The following SPPL3 variants were observed in gnomAD, a reference collection of about 807,000 sequenced individuals.
SPPL3 encodes signal peptide peptidase-like 3.
SPPL3 carries 5 observed loss-of-function variants against 42.4 expected under a neutral mutation model. The ratio of observed to expected loss-of-function variants is 0.12; its 90% CI spans 0.06 to 0.25. SPPL3 has a LOEUF of 0.25. Among genes scored for constraint, SPPL3 ranks in the 10% least tolerant of loss-of-function variants. The pLI is 1.00. For synonymous variants in SPPL3, 195 were observed against 181.8 expected (o/e 1.07, Z -0.58); for missense variants, 235 against 489.0 (o/e 0.48, Z 4.90).
At chr12:120,873,048 T>G (rs548335470) in intron 1 of SPPL3, among the ~76,000 whole-genome samples, 1 of 152,292 alleles carries the variant, frequency 6.6e-6, no homozygotes, top group East Asian at 1.9e-4. Context: ...ATAATGGAAT[T>G]AGAACACAAG....
intron 1 of SPPL3, among the ~76,000 whole-genome samples, chr12:120,878,954 A>G (rs1024952665): frequency 6.6e-6 from 1 of 151,726 alleles, no homozygotes; most frequent in Non-Finnish European, 1.5e-5. Flanking sequence ...TCTCTACATA[A>G]AATACAAAAT....
intron 6 of SPPL3, among the ~76,000 whole-genome samples, chr12:120,772,682 C>T (rs998157307): frequency 5.9e-5 from 9 of 152,162 alleles, no homozygotes; most frequent in African/African-American, 2.2e-4. Flanking sequence ...GCTTGGCAGA[C>T]CCTGGACACA....
Position 120,764,716 on chromosome 12 carries a change from C to G in SPPL3, c.*283G>C, listed in dbSNP as rs1868814564. 4.8e-6 allele frequency: 2 copies of G among 413,520 alleles called. No homozygotes were observed. The highest frequency in any genetic ancestry group is 1.0e-4 in the South Asian group (1 of 9,674). 25.6% of individuals were successfully genotyped at this position (413,520 alleles called of 1,614,324 possible). A position where few individuals can be genotyped will look rare whatever the true frequency, so the allele number is the denominator to read the frequency against. On this transcript the variant is annotated 3_prime_UTR_variant, in exon 11 of 11. Coordinates refer to ENST00000353487, the MANE Select transcript of SPPL3 (RefSeq NM_139015.5). Reference sequence around the variant, plus strand: ...TCCATCTCCCCCAGAAGGTAACAGTCTGGTGCAGATCCATAAAAACGTGGG... The same window carrying G: ...TCCATCTCCCCCAGAAGGTAACAGTGTGGTGCAGATCCATAAAAACGTGGG...
At chr12:120,799,343 T>C (rs1870211246) in intron 2 of SPPL3, among the ~76,000 whole-genome samples, 1 of 152,230 alleles carries the variant, frequency 6.6e-6, no homozygotes. Context: ...TATGGGTACT[T>C]GAAGTATGCT....
At chr12:120,813,212 A>G (rs767323413) in intron 1 of SPPL3, among the ~76,000 whole-genome samples, 2 of 151,708 alleles carry the variant, frequency 1.3e-5, no homozygotes, top group Non-Finnish European at 2.9e-5. Flanking sequence ...TGATGCATAC[A>G]GAGGAGGACA....
intron 1 of SPPL3, among the ~76,000 whole-genome samples, chr12:120,865,986 G>C (rs1318889156): frequency 6.6e-6 from 1 of 152,146 alleles, no homozygotes; most frequent in Non-Finnish European, 1.5e-5. Context: ...AGGGATCTAG[G>C]TTGTGTGCTC....
At chr12:120,884,231 G>C (rs1873378743) in intron 1 of SPPL3, among the ~76,000 whole-genome samples, 1 of 152,124 alleles carries the variant, frequency 6.6e-6, no homozygotes, top group South Asian at 2.1e-4. Context: ...AAGGACAAAG[G>C]AGAGTACAAA....
chr12:120,768,638 C>T (rs1592952780), intron 7 of SPPL3, 150 bp from the exon 8 acceptor site: 2 of 968,032 alleles, frequency 2.1e-6, no homozygotes, highest in East Asian at 5.2e-5. Context: ...CTTTGCTCTT[C>T]CTGTGTACTT....
intron 1 of SPPL3, among the ~76,000 whole-genome samples, chr12:120,825,164 T>C (rs1871202433): frequency 6.6e-6 from 1 of 152,194 alleles, no homozygotes; most frequent in African/African-American, 2.4e-5. Flanking sequence ...TAATGTCAGT[T>C]TGATCCAGAA....
At chr12:120,896,952 A>C (rs1247293895) in intron 1 of SPPL3, among the ~76,000 whole-genome samples, 2 of 152,212 alleles carry the variant, frequency 1.3e-5, no homozygotes, top group Non-Finnish European at 2.9e-5. Context: ...GACAGCAGTC[A>C]CACACAGTTT....
intron 6 of SPPL3, among the ~76,000 whole-genome samples, chr12:120,774,098 G>C (rs1301410945): frequency 6.6e-6 from 1 of 152,190 alleles, no homozygotes; most frequent in African/African-American, 2.4e-5. Context: ...TCCAGACAGT[G>C]TCATTCTATC....
chr12:120,807,674 CA>C (rs10706063), intron 2 of SPPL3, among the ~76,000 whole-genome samples: 82,776 of 126,060 alleles, frequency 0.66, 24,948 homozygotes, highest in South Asian at 0.81. Flanking sequence ...AACTCCGACT[CA>C]AAAAAAAAAA....
chr12:120,895,621 A>T (rs1224104702), intron 1 of SPPL3, among the ~76,000 whole-genome samples: 1 of 152,262 alleles, frequency 6.6e-6, no homozygotes, highest in African/African-American at 2.4e-5. Context: ...AAGAGAAGTC[A>T]TTTCTATAGT....
chr12:120,864,922 A>T (rs756324173), intron 1 of SPPL3, among the ~76,000 whole-genome samples: 3 of 152,214 alleles, frequency 2.0e-5, no homozygotes, highest in South Asian at 4.1e-4. Flanking sequence ...AAAACTGTAG[A>T]GTGTGTGGAA....
intron 10 of SPPL3, among the ~76,000 whole-genome samples, chr12:120,765,941 C>T (rs1868872684): frequency 6.6e-6 from 1 of 152,178 alleles, no homozygotes; most frequent in African/African-American, 2.4e-5. Context: ...CAGGAGGGCA[C>T]TGCTTTGAAC....
Position 120,765,041 on chromosome 12 carries a change from A to G in SPPL3, c.1113T>C (p.Pro371=). Reference sequence around the variant, plus strand: ...GGGAGCTGCTGGACTTGGAGTGGAAAGGCTCAGACCACATCCGCCGGAGGT... The same window carrying G: ...GGGAGCTGCTGGACTTGGAGTGGAAGGGCTCAGACCACATCCGCCGGAGGT... ...KGDLRRMWSE[P]FHSKSSSSRF... The change falls in exon 11 of 11, where the codon CCT becomes CCC. Residue 371 remains proline (P), a synonymous_variant. Coordinates refer to ENST00000353487, the MANE Select transcript of SPPL3 (RefSeq NM_139015.5). 6.2e-7 allele frequency: 1 copy of G among 1,613,970 alleles called. No homozygotes were observed. The highest frequency in any genetic ancestry group is 8.5e-7 in the Non-Finnish European group (1 of 1,179,932).
At chr12:120,852,698 T>TATATA (rs1566060791) in intron 1 of SPPL3, among the ~76,000 whole-genome samples, 2 of 31,010 alleles carry the variant, frequency 6.4e-5, no homozygotes, top group East Asian at 1.3e-3. Flanking sequence ...AATATACATA[T>TATATA]TTTACATATA....
At chr12:120,863,518 G>A (rs1192565425) in intron 1 of SPPL3, among the ~76,000 whole-genome samples, 1 of 152,132 alleles carries the variant, frequency 6.6e-6, no homozygotes, top group Non-Finnish European at 1.5e-5. Context: ...ATGATATATA[G>A]TTTGGTTCAA....
intron 8 of SPPL3, 100 bp from the exon 9 acceptor site, chr12:120,767,693 T>TA (rs1868962728): frequency 6.8e-6 from 8 of 1,168,576 alleles, no homozygotes; most frequent in Non-Finnish European, 9.8e-6. Context: ...TCAAAGAGCT[T>TA]ATCTGCATGG....
Sources: gnomAD v4.1 joint callset for allele counts (sites outside exome capture counted in the v4.1 genomes callset) on GRCh38, gnomAD v4.1.1 for gene constraint, MANE v1.5 for transcripts, NCBI Gene and HGNC (gene_info 2026-07-23, HGNC 2026-07-21) for gene names.